CTNNA2: variants seen among roughly 807,000 people sequenced by gnomAD.
CTNNA2 encodes catenin alpha 2.
In CTNNA2, 42 loss-of-function variants were observed where a neutral mutation model predicts 101.0. The observed-to-expected ratio is 0.42, with a 90% CI of 0.32 to 0.54. The LOEUF (loss-of-function observed/expected upper bound fraction) is 0.54, where lower values mean the gene tolerates loss of function less well. Among genes scored for constraint, CTNNA2 ranks in the 20% least tolerant of loss-of-function variants. The probability of loss-of-function intolerance (pLI) is 0.14; values close to 1 mark genes in which losing one functional copy is unlikely to be tolerated. For synonymous variants in CTNNA2, 450 were observed against 456.4 expected, an observed-to-expected ratio of 0.99 and a Z score of 0.18; for missense variants, 871 against 1,223.1, an observed-to-expected ratio of 0.71 and a Z score of 4.29.
intron 2 of CTNNA2, among the ~76,000 whole-genome samples, chr2:79,698,715 ATG>A (rs1426203851): frequency 6.6e-6 from 1 of 152,030 alleles, no homozygotes; most frequent in Admixed American, 6.6e-5. Context: ...CCAAAAGGGA[ATG>A]TGTGTATGTG....
At position 80,170,231 on chromosome 2, in the gene CTNNA2, C is replaced by G. The variant is rs540311139; in HGVS notation, c.1057-222980C>G. 2.3e-3 allele frequency among the ~76,000 whole-genome samples: 345 copies of G among 147,556 alleles called. 3 individuals carry two copies. The highest frequency in any genetic ancestry group is 7.1e-3 in the Admixed American group (107 of 15,048). Reference sequence around the variant, plus strand: ...TCTATCTCTCTCTCTCTCTCTCTCTCTGTGTGTGTGTGTGTGTTTGTGTGT... The same window carrying G: ...TCTATCTCTCTCTCTCTCTCTCTCTGTGTGTGTGTGTGTGTGTTTGTGTGT... On this transcript the variant is annotated intron_variant, in intron 7 of 18. Coordinates refer to ENST00000402739, the MANE Select transcript of CTNNA2 (RefSeq NM_001282597.3).
chr2:79,345,938 A>T (rs1677253475), intron 3 of CTNNA2, among the ~76,000 whole-genome samples: 1 of 150,548 alleles, frequency 6.6e-6, no homozygotes, highest in South Asian at 2.1e-4. Context: ...GAGCTCAGGC[A>T]ATCTGCTCAT....
intron 12 of CTNNA2, among the ~76,000 whole-genome samples, chr2:80,557,292 C>G (rs1282785118): frequency 6.6e-6 from 1 of 152,144 alleles, no homozygotes; most frequent in Non-Finnish European, 1.5e-5. Flanking sequence ...TTCAATTGAG[C>G]AACACAAAGC....
intron 7 of CTNNA2, among the ~76,000 whole-genome samples, chr2:80,309,438 G>A (rs919869676): frequency 8.5e-5 from 13 of 152,176 alleles, no homozygotes; most frequent in African/African-American, 2.4e-4. Flanking sequence ...ATATGAGTGT[G>A]GCAATAATTT....
chr2:79,570,196 T>C (rs1339582683), intron 1 of CTNNA2, among the ~76,000 whole-genome samples: 1 of 152,158 alleles, frequency 6.6e-6, no homozygotes, highest in South Asian at 2.1e-4. Flanking sequence ...TTGAAAAGCT[T>C]TCAGGAATAT....
At chr2:79,421,767 T>C (rs1678542253) in intron 4 of CTNNA2, among the ~76,000 whole-genome samples, 1 of 152,162 alleles carries the variant, frequency 6.6e-6, no homozygotes. Context: ...AATCAGAATC[T>C]AAGAGGCATT....
In CTNNA2 at chr2:80,589,860, C is replaced by CTGTGTG. The variant is rs59206973; in HGVS notation, c.2189+416_2189+421dup. On this transcript the variant is annotated intron_variant, in intron 15 of 18. Coordinates refer to ENST00000402739, the MANE Select transcript of CTNNA2 (RefSeq NM_001282597.3). ...TATACCTTTGGAAAAATATGTACCT[C>CTGTGTG]TGTGTGTGTGTGTGTGTGTGTGTGT... Among the ~76,000 whole-genome samples the CTGTGTG allele has an allele frequency of 4.2e-3, 597 of 140,558 alleles. 6 individuals are homozygous for CTGTGTG. The highest frequency in any genetic ancestry group is 0.011 in the African/African-American group (440 of 38,682). The allele number at this position is 140,558 out of a possible 152,430, so 92.2% of individuals were successfully genotyped here.
chr2:80,075,645 T>TAAATATTTATACATG (rs1558783550), intron 7 of CTNNA2, among the ~76,000 whole-genome samples: 30 of 106,424 alleles, frequency 2.8e-4, no homozygotes, highest in African/African-American at 1.2e-3. Context: ...TGTATAAATA[T>TAAATATTTATACATG]TATAAAAATA....
At chr2:79,200,383 CA>C (rs34255396) in intron 2 of CTNNA2, among the ~76,000 whole-genome samples, 30,039 of 110,102 alleles carry the variant, frequency 0.27, 3,624 homozygotes, top group African/African-American at 0.43. Context: ...GACTCCGTCT[CA>C]AAAAAAAAAA....
chr2:79,734,353 T>A (rs939823803), intron 2 of CTNNA2, among the ~76,000 whole-genome samples: 2 of 152,110 alleles, frequency 1.3e-5, no homozygotes, highest in African/African-American at 4.8e-5. Flanking sequence ...TTTCTTTTCA[T>A]TGCTTGGTTT....
intron 1 of CTNNA2, among the ~76,000 whole-genome samples, chr2:79,592,215 G>C (rs980234293): frequency 2.0e-5 from 3 of 151,432 alleles, no homozygotes; most frequent in African/African-American, 7.3e-5. Context: ...CTGCCTCCCG[G>C]GTTCAGGCGA....
intron 7 of CTNNA2, among the ~76,000 whole-genome samples, chr2:80,052,414 A>G (rs1278488624): frequency 6.6e-6 from 1 of 152,232 alleles, no homozygotes; most frequent in Non-Finnish European, 1.5e-5. Context: ...TCATATAGCT[A>G]CTAATTCAAG....
chr2:80,230,548 G>C (rs930319869), intron 7 of CTNNA2, among the ~76,000 whole-genome samples: 1 of 152,020 alleles, frequency 6.6e-6, no homozygotes, highest in Non-Finnish European at 1.5e-5. Flanking sequence ...TCAAACAAAT[G>C]AGAACCTGTT....
intron 13 of CTNNA2, among the ~76,000 whole-genome samples, chr2:80,579,749 C>T (rs1159704969): frequency 1.3e-5 from 2 of 152,214 alleles, no homozygotes; most frequent in African/African-American, 4.8e-5. Context: ...CTAGGCATAA[C>T]GTGCTATTGG....
chr2:79,859,637 T>C (rs534605266), intron 4 of CTNNA2, among the ~76,000 whole-genome samples: 1 of 152,104 alleles, frequency 6.6e-6, no homozygotes, highest in African/African-American at 2.4e-5. Flanking sequence ...TTTTTATTTT[T>C]TCCTCTCCTC....
At chr2:79,993,320 T>G (rs1692311086) in intron 7 of CTNNA2, among the ~76,000 whole-genome samples, 1 of 152,186 alleles carries the variant, frequency 6.6e-6, no homozygotes, top group African/African-American at 2.4e-5. Flanking sequence ...GTCACTTCAC[T>G]GCTAATTGGC....
chr2:79,327,236 G>A (rs927656602), intron 3 of CTNNA2, among the ~76,000 whole-genome samples: 5 of 152,136 alleles, frequency 3.3e-5, no homozygotes, highest in Admixed American at 2.6e-4. Context: ...AAGTAACGCT[G>A]GTGCCAGTAT....
chr2:79,687,638 G>A, intron 2 of CTNNA2: 2 of 672,070 alleles, frequency 3.0e-6, no homozygotes, highest in Non-Finnish European at 2.7e-6. Context: ...TCTTGAAAAA[G>A]GATACCTGTT....
At chr2:79,512,855 T>C (rs1337348191), upstream of CTNNA2, 1 of 151,190 alleles carries the variant, frequency 6.6e-6, no homozygotes, top group Non-Finnish European at 1.5e-5. Context: ...CCGGTGCCTT[T>C]CCAGGCGCCG....
Sources: allele counts gnomAD v4.1 joint callset (sites outside exome capture counted in the v4.1 genomes callset), GRCh38; gene constraint gnomAD v4.1.1; transcripts MANE v1.5; gene names NCBI Gene and HGNC (gene_info 2026-07-23, HGNC 2026-07-21).